NRG1: variants seen among roughly 807,000 people sequenced by gnomAD.
The protein encoded by NRG1 is neuregulin 1.
In NRG1, 18 loss-of-function variants were observed where a neutral mutation model predicts 63.8. That is an observed-to-expected ratio of 0.28 (90% CI 0.19 to 0.42). The LOEUF is 0.42. Ranked by LOEUF, NRG1 falls within the 10% of genes least tolerant of loss-of-function variation. NRG1 has a pLI of 1.00. For missense variants in NRG1, 762 were observed against 814.7 expected, an observed-to-expected ratio of 0.94 and a Z score of 0.79; for synonymous variants, 302 against 301.3, an observed-to-expected ratio of 1.00 and a Z score of -0.02.
chr8:32,329,819 C>T (rs910802355), intron 1 of NRG1, among the ~76,000 whole-genome samples: 6 of 151,918 alleles, frequency 3.9e-5, no homozygotes, highest in African/African-American at 9.7e-5. Context: ...AAGTAAACTA[C>T]GTGATATAGA....
chr8:32,544,463 G>A (rs911344163), upstream of NRG1, among the ~76,000 whole-genome samples: 2 of 143,338 alleles, frequency 1.4e-5, no homozygotes, highest in Non-Finnish European at 3.0e-5. Context: ...TTTCTCTACT[G>A]CCTAGCTTAT....
chr8:32,057,702 CT>C (rs1350134220), intron 1 of NRG1, among the ~76,000 whole-genome samples: 3 of 152,234 alleles, frequency 2.0e-5, no homozygotes, highest in African/African-American at 7.2e-5. Flanking sequence ...GAACTTTTCA[CT>C]TTTCCTGTGT....
intron 7 of NRG1, among the ~76,000 whole-genome samples, chr8:32,752,690 C>T (rs1828967008): frequency 6.6e-6 from 1 of 152,122 alleles, no homozygotes; most frequent in African/African-American, 2.4e-5. Flanking sequence ...CCTTGTTTTC[C>T]CTTCCTCGGT....
intron 1 of NRG1, among the ~76,000 whole-genome samples, chr8:32,512,595 T>C (rs1023770462): frequency 1.3e-5 from 2 of 152,210 alleles, no homozygotes; most frequent in African/African-American, 4.8e-5. Flanking sequence ...TATCTTTTCC[T>C]AGTGCCTTTT....
chr8:32,758,724 C>T (rs556337333), intron 9 of NRG1, among the ~76,000 whole-genome samples: 5 of 151,974 alleles, frequency 3.3e-5, no homozygotes, highest in Non-Finnish European at 1.5e-5. Flanking sequence ...ATTGTTAAGT[C>T]CCTTATCAGT....
At chr8:31,692,965 C>G (rs946561464) in intron 1 of NRG1, among the ~76,000 whole-genome samples, 1 of 152,114 alleles carries the variant, frequency 6.6e-6, no homozygotes, top group African/African-American at 2.4e-5. Context: ...GACGATTACC[C>G]AAGATCTGTT....
intron 1 of NRG1, among the ~76,000 whole-genome samples, chr8:31,862,258 G>A (rs1828535298): frequency 6.6e-6 from 1 of 152,078 alleles, no homozygotes; most frequent in African/African-American, 2.4e-5. Context: ...GAGAAAAGTT[G>A]GGAGAGTGGG....
At chr8:31,916,217 T>A (rs1833370563) in intron 1 of NRG1, among the ~76,000 whole-genome samples, 1 of 152,174 alleles carries the variant, frequency 6.6e-6, no homozygotes, top group Non-Finnish European at 1.5e-5. Context: ...TTTTCTTTTT[T>A]TTTATTATTA....
intron 1 of NRG1, among the ~76,000 whole-genome samples, chr8:32,309,588 G>A (rs1219996464): frequency 6.6e-6 from 1 of 152,118 alleles, no homozygotes; most frequent in East Asian, 1.9e-4. Flanking sequence ...GAGGATTGGG[G>A]GTGATCACTG....
At position 32,386,883 on chromosome 8, in the gene NRG1, G is replaced by T. The variant is rs140301826; in HGVS notation, c.38-208945G>T. 4.0e-4 allele frequency among the ~76,000 whole-genome samples: 61 copies of T among 152,280 alleles called. No individual in the cohort carries two copies. In the East Asian group the frequency reaches 0.01, roughly 26 times the overall value. ...CTATTATGCAGTTAAACTGTGCTAT[G>T]TGTAGGGATGCAGAGCAAATCAAGA... On this transcript the variant is annotated intron_variant, in intron 1 of 10. Coordinates refer to the NRG1 transcript ENST00000519301.
intron 5 of NRG1, among the ~76,000 whole-genome samples, chr8:32,635,248 T>C (rs1407279024): frequency 3.3e-5 from 5 of 152,188 alleles, no homozygotes; most frequent in Admixed American, 2.6e-4. Context: ...ACAGATACGG[T>C]CATTTAGTAA....
chr8:32,214,459 C>T (rs13275885), intron 1 of NRG1, among the ~76,000 whole-genome samples: 71,111 of 152,020 alleles, frequency 0.47, 18,420 homozygotes, highest in Admixed American at 0.59. Context: ...AATAACATTG[C>T]TTTCCTTTGG....
chr8:32,191,536 A>G (rs1002736200), intron 1 of NRG1, among the ~76,000 whole-genome samples: 2 of 152,202 alleles, frequency 1.3e-5, no homozygotes, highest in African/African-American at 4.8e-5. Context: ...GGCATATGTA[A>G]TGTTAAGCTT....
intron 5 of NRG1, chr8:32,648,285 T>C (rs1397897628): frequency 1.2e-6 from 2 of 1,613,984 alleles, no homozygotes; most frequent in Admixed American, 3.3e-5. Flanking sequence ...CACTGCGCCA[T>C]CCTTCCCTTC....
chr8:32,247,322 C>A (rs1006685492), intron 1 of NRG1, among the ~76,000 whole-genome samples: 6 of 152,044 alleles, frequency 3.9e-5, no homozygotes, highest in African/African-American at 1.2e-4. Flanking sequence ...ATACAGCATA[C>A]AATTTCTGAA....
rs1818809153 is a variant in NRG1 at position 31,773,261 on chromosome 8, G to C, written c.37+133830G>C. Among the ~76,000 whole-genome samples, 3 of 152,192 alleles carry C rather than the reference G, an allele frequency of 2.0e-5. No individual in the cohort carries two copies. In the South Asian group the frequency reaches 6.2e-4, roughly 31 times the overall value. On this transcript the variant is annotated intron_variant, in intron 1 of 10. Transcript: ENST00000519301. ...CACTGTCATCCTGCTGCTACATCAT[G>C]TGCTTGATGCACTGTCATTTGGGTG...
intron 1 of NRG1, among the ~76,000 whole-genome samples, chr8:32,331,982 A>G (rs1020861966): frequency 6.6e-6 from 1 of 152,016 alleles, no homozygotes; most frequent in Non-Finnish European, 1.5e-5. Flanking sequence ...TAATGCAGTA[A>G]AGGATAAAGA....
intron 1 of NRG1, among the ~76,000 whole-genome samples, chr8:32,363,865 A>G (rs28505750): frequency 0.13 from 20,517 of 152,120 alleles, 1,667 homozygotes; most frequent in Middle Eastern, 0.21. Context: ...GTTATTTACA[A>G]GGTGAATGAA....
chr8:31,989,453 T>C (rs1191466544), intron 1 of NRG1, among the ~76,000 whole-genome samples: 1 of 151,832 alleles, frequency 6.6e-6, no homozygotes, highest in Non-Finnish European at 1.5e-5. Flanking sequence ...TTGCATCGTC[T>C]TCATACAGCA....
Sources: gnomAD v4.1 joint callset for allele counts (sites outside exome capture counted in the v4.1 genomes callset) on GRCh38, gnomAD v4.1.1 for gene constraint, MANE v1.5 for transcripts, NCBI Gene and HGNC (gene_info 2026-07-23, HGNC 2026-07-21) for gene names.